The following CTNND2 variants were observed in gnomAD, a reference collection of about 807,000 sequenced individuals.
CTNND2 encodes the protein catenin delta 2.
Under a neutral mutation model 144.4 loss-of-function variants are expected in CTNND2, and 22 were observed. The ratio of observed to expected loss-of-function variants is 0.15; its 90% CI spans 0.11 to 0.22. The LOEUF (loss-of-function observed/expected upper bound fraction) is 0.22. Ranked by LOEUF, CTNND2 falls within the 10% of genes least tolerant of loss-of-function variation. CTNND2 has a pLI of 1.00. For missense variants in CTNND2, 1,353 were observed against 1,618.8 expected (o/e 0.84, Z 2.82); for synonymous variants, 751 against 695.6 (o/e 1.08, Z -1.25).
chr5:11,783,411 A>G (rs1790652976), intron 1 of CTNND2, among the ~76,000 whole-genome samples: 7 of 152,020 alleles, frequency 4.6e-5, no homozygotes, highest in Admixed American at 4.6e-4. Flanking sequence ...CTGCCTCTCC[A>G]CTGGCCCTCT....
intron 18 of CTNND2, among the ~76,000 whole-genome samples, chr5:11,017,453 C>T (rs1458112793): frequency 6.6e-6 from 1 of 151,774 alleles, no homozygotes; most frequent in Non-Finnish European, 1.5e-5. Context: ...GGCTTAGTGA[C>T]GTGGGCCAGA....
intron 2 of CTNND2, among the ~76,000 whole-genome samples, chr5:11,715,035 T>TA: frequency 6.6e-6 from 1 of 152,334 alleles, no homozygotes; most frequent in East Asian, 1.9e-4. Context: ...AATACTTATG[T>TA]AAAAATAAAA....
intron 1 of CTNND2, among the ~76,000 whole-genome samples, chr5:11,840,774 T>C (rs1794426965): frequency 6.6e-6 from 1 of 152,086 alleles, no homozygotes; most frequent in African/African-American, 2.4e-5. Context: ...CAGAAGGAAA[T>C]ACTGGTAATT....
intron 2 of CTNND2, among the ~76,000 whole-genome samples, chr5:11,723,526 C>G (rs1468537389): frequency 6.6e-6 from 1 of 152,088 alleles, no homozygotes; most frequent in Non-Finnish European, 1.5e-5. Context: ...GAAATGAGAC[C>G]CCTGCACCAT....
At chr5:11,027,907 C>T (rs11742833) in intron 16 of CTNND2, among the ~76,000 whole-genome samples, 10,850 of 152,204 alleles carry the variant, frequency 0.071, 506 homozygotes, top group Non-Finnish European at 0.099. Flanking sequence ...TTGACTGCTT[C>T]GGTTTCCATG....
chr5:11,357,159 A>G (rs1755974933), intron 8 of CTNND2, among the ~76,000 whole-genome samples: 1 of 152,164 alleles, frequency 6.6e-6, no homozygotes, highest in Admixed American at 6.5e-5. Flanking sequence ...CATGTGATCC[A>G]GCAATCTCAC....
At chr5:11,231,191 A>C (rs245090) in intron 10 of CTNND2, among the ~76,000 whole-genome samples, 138,971 of 152,134 alleles carry the variant, frequency 0.91, 63,673 homozygotes, top group East Asian at 0.99. Context: ...TTTCTGAGGC[A>C]TCTCCAGTCC....
chr5:11,777,323 A>C (rs1051464482), intron 1 of CTNND2, among the ~76,000 whole-genome samples: 4 of 152,242 alleles, frequency 2.6e-5, no homozygotes, highest in Non-Finnish European at 5.9e-5. Flanking sequence ...TTTGCCCATG[A>C]CTAGAACCAT....
intron 1 of CTNND2, among the ~76,000 whole-genome samples, chr5:11,775,076 G>A (rs892030895): frequency 1.3e-5 from 2 of 152,104 alleles, no homozygotes; most frequent in African/African-American, 4.8e-5. Flanking sequence ...CGGGCAAGAA[G>A]ACCTGTGTGA....
chr5:11,149,769 C>T (rs1420368083), intron 12 of CTNND2, among the ~76,000 whole-genome samples: 7 of 152,254 alleles, frequency 4.6e-5, no homozygotes, highest in Middle Eastern at 6.8e-3. Context: ...GTGTGGAAGG[C>T]TATCAGCCCA....
At chr5:11,323,847 A>G (rs1024527791) in intron 9 of CTNND2, among the ~76,000 whole-genome samples, 1 of 152,186 alleles carries the variant, frequency 6.6e-6, no homozygotes, top group Non-Finnish European at 1.5e-5. Context: ...AATTAAGCAG[A>G]TGCCATCAGA....
At chr5:11,052,061 A>G (rs1452139925) in intron 16 of CTNND2, among the ~76,000 whole-genome samples, 1 of 152,122 alleles carries the variant, frequency 6.6e-6, no homozygotes, top group Non-Finnish European at 1.5e-5. Context: ...TTGAGAGCAG[A>G]GAGTCCATCA....
At chr5:11,262,457 T>A (rs1303459450) in intron 9 of CTNND2, among the ~76,000 whole-genome samples, 1 of 152,054 alleles carries the variant, frequency 6.6e-6, no homozygotes, top group Non-Finnish European at 1.5e-5. Context: ...AAAAGCCAAT[T>A]TGATCTTTGA....
chr5:11,294,190 A>C (rs1007354921), intron 9 of CTNND2, among the ~76,000 whole-genome samples: 9 of 152,012 alleles, frequency 5.9e-5, no homozygotes, highest in Admixed American at 4.6e-4. Context: ...AAAAAAAAAA[A>C]AAACAAAGCC....
At chr5:11,142,468 G>A (rs938888179) in intron 12 of CTNND2, among the ~76,000 whole-genome samples, 5 of 152,190 alleles carry the variant, frequency 3.3e-5, no homozygotes, top group African/African-American at 1.2e-4. Flanking sequence ...TGAACAGTGA[G>A]AGGAACACAC....
At chr5:11,483,296 G>C (rs1305152749) in intron 3 of CTNND2, among the ~76,000 whole-genome samples, 3 of 152,162 alleles carry the variant, frequency 2.0e-5, no homozygotes, top group Non-Finnish European at 4.4e-5. Flanking sequence ...CCTGGGAAAG[G>C]CCACTCAGGA....
chr5:11,597,850 C>T (rs1005569072), intron 2 of CTNND2, among the ~76,000 whole-genome samples: 7 of 152,094 alleles, frequency 4.6e-5, no homozygotes, highest in African/African-American at 1.4e-4. Flanking sequence ...GCATGAGCCA[C>T]GAAGCCTGGC....
intron 3 of CTNND2, among the ~76,000 whole-genome samples, chr5:11,505,614 T>A (rs960057690): frequency 6.6e-6 from 1 of 152,166 alleles, no homozygotes; most frequent in African/African-American, 2.4e-5. Context: ...CCAAAAATCC[T>A]AAGGCAGAAA....
chr5:10,996,856 C>T (rs564629738), intron 18 of CTNND2, among the ~76,000 whole-genome samples: 2 of 152,246 alleles, frequency 1.3e-5, no homozygotes, highest in East Asian at 3.9e-4. Flanking sequence ...CTCAGCCTCC[C>T]AAAGTGTTGG....
Sources: gnomAD v4.1 joint callset for allele counts (sites outside exome capture counted in the v4.1 genomes callset) on GRCh38, gnomAD v4.1.1 for gene constraint, MANE v1.5 for transcripts, NCBI Gene and HGNC (gene_info 2026-07-23, HGNC 2026-07-21) for gene names.